SLC43A1: variants seen among roughly 807,000 people sequenced by gnomAD.
The protein encoded by SLC43A1 is solute carrier family 43 member 1, also known as large neutral amino acids transporter small subunit 3.
Under a neutral mutation model 59.5 loss-of-function variants are expected in SLC43A1, and 31 were observed. That is an observed-to-expected ratio of 0.52 (90% CI 0.39 to 0.70). SLC43A1 has a LOEUF of 0.70. SLC43A1 is among the 30% of genes least tolerant of loss of function. SLC43A1 has a pLI of 0.00. For missense variants in SLC43A1, 598 were observed against 717.8 expected, an observed-to-expected ratio of 0.83 and a Z score of 1.91; for synonymous variants, 259 against 290.9, an observed-to-expected ratio of 0.89 and a Z score of 1.12.
At chr11:57,505,126 T>G (rs534033277) in intron 2 of SLC43A1, among the ~76,000 whole-genome samples, 5 of 152,376 alleles carry the variant, frequency 3.3e-5, no homozygotes, top group African/African-American at 1.2e-4. Flanking sequence ...ATATGTGGTA[T>G]GCACAGCATG....
chr11:57,511,560 G>T (rs1344013733), intron 2 of SLC43A1, among the ~76,000 whole-genome samples: 1 of 152,098 alleles, frequency 6.6e-6, no homozygotes, highest in Non-Finnish European at 1.5e-5. Flanking sequence ...TCCTGCCTTA[G>T]CCTTGAAATA....
chr11:57,500,664 T>C, intron 5 of SLC43A1, 115 bp downstream of exon 5: 1 of 853,170 alleles, frequency 1.2e-6, no homozygotes, highest in Non-Finnish European at 1.9e-6. Flanking sequence ...CTTGATCTAG[T>C]GATCTGCGTC....
Position 57,514,177 on chromosome 11 carries a change from G to C in SLC43A1, c.-13-53C>G. 1 of 1,494,028 alleles carries C rather than the reference G, an allele frequency of 6.7e-7. No homozygotes were observed. The highest frequency in any genetic ancestry group is 8.8e-7 in the Non-Finnish European group (1 of 1,130,070). 92.5% of individuals were successfully genotyped at this position (1,494,028 alleles called of 1,614,324 possible). ...GGGCCCCCCAGTGGCCCCAGGGAAG[G>C]GTCCTGCATCATGGTGGCACCCGAG... On this transcript the variant is annotated intron_variant, in intron 1 of 14. Coordinates refer to ENST00000278426, the MANE Select transcript of SLC43A1 (RefSeq NM_003627.6). The surrounding 1 kb of genome is among the most constrained non-coding windows in gnomAD (Gnocchi z 5.5).
At chr11:57,490,266 G>T (rs1467668670) in intron 11 of SLC43A1, among the ~76,000 whole-genome samples, 2 of 150,972 alleles carry the variant, frequency 1.3e-5, no homozygotes, top group African/African-American at 4.9e-5. Flanking sequence ...CTGAGATCGT[G>T]CCACTGCACT....
rs536870780 is a variant in SLC43A1 at position 57,488,876 on chromosome 11, T to C, written c.1409+40A>G. The C allele has an allele frequency of 5.8e-6, 9 of 1,559,342 alleles. No individual in the cohort carries two copies. The Admixed American group carries it at 1.2e-4, about 20-fold the overall frequency. ...CTTCCCTGGGGTTCTCTGATCACGG[T>C]TGCAAAGCTCAGGAAGGCATTTCAG... On this transcript the variant is annotated intron_variant, in intron 13 of 14. Coordinates refer to ENST00000278426, the MANE Select transcript of SLC43A1 (RefSeq NM_003627.6).
intron 2 of SLC43A1, among the ~76,000 whole-genome samples, chr11:57,512,237 T>G (rs950455419): frequency 1.3e-5 from 2 of 152,084 alleles, no homozygotes; most frequent in African/African-American, 2.4e-5. Flanking sequence ...GATGTAATCT[T>G]CAAGAAAGTT....
Position 57,514,246 on chromosome 11 carries a change from T to A in SLC43A1, c.-13-122A>T. The A allele has an allele frequency of 8.3e-7, 1 of 1,211,350 alleles. No individual in the cohort carries two copies. Among genetic ancestry groups the A allele is most frequent in the Non-Finnish European group, 1.1e-6 (1 of 895,506 alleles). 75.0% of individuals were successfully genotyped at this position (1,211,350 alleles called of 1,614,324 possible). On this transcript the variant is annotated intron_variant, in intron 1 of 14. Transcript: ENST00000278426. This position sits in a 1 kb window ranked among gnomAD's most constrained non-coding sequence, Gnocchi z 5.5. ...CGAGGAGCCCCTCATGGAGGCCCCA[T>A]AGAGCCCTGGGCTTCCCAGCCGGTG... is the stretch of plus-strand genomic sequence containing the variant.
chr11:57,491,512 G>A, intron 10 of SLC43A1, 79 bp downstream of exon 10: 1 of 1,598,730 alleles, frequency 6.3e-7, no homozygotes, highest in African/African-American at 1.3e-5. Flanking sequence ...GTGGGCCCAG[G>A]CCTAGAGGAG....
chr11:57,507,328 G>A (rs1944415785), intron 2 of SLC43A1, among the ~76,000 whole-genome samples: 1 of 152,138 alleles, frequency 6.6e-6, no homozygotes, highest in African/African-American at 2.4e-5. Flanking sequence ...AAATTAGCCG[G>A]GCATGGTGGC....
intron 14 of SLC43A1, among the ~76,000 whole-genome samples, chr11:57,486,129 C>T (rs1943719919): frequency 6.6e-6 from 1 of 152,182 alleles, no homozygotes; most frequent in Non-Finnish European, 1.5e-5. Flanking sequence ...ACCAATGGTG[C>T]CTGAACACAG....
intron 2 of SLC43A1, among the ~76,000 whole-genome samples, chr11:57,513,322 C>T (rs1369680614): frequency 6.6e-6 from 1 of 152,234 alleles, no homozygotes; most frequent in African/African-American, 2.4e-5. Context: ...AGATACCCAT[C>T]AGAGGCAAGT....
chr11:57,508,286 A>G (rs986502648), intron 2 of SLC43A1, among the ~76,000 whole-genome samples: 1 of 151,412 alleles, frequency 6.6e-6, no homozygotes, highest in East Asian at 1.9e-4. Context: ...AAAAGAAAAG[A>G]AAAGAAAGAA....
intron 2 of SLC43A1, among the ~76,000 whole-genome samples, chr11:57,508,372 A>G (rs1218463503): frequency 6.6e-6 from 1 of 152,170 alleles, no homozygotes; most frequent in East Asian, 1.9e-4. Context: ...TCCACACACT[A>G]TGGCAACACA....
chr11:57,496,464 C>A (rs1179461013), intron 6 of SLC43A1, among the ~76,000 whole-genome samples: 1 of 152,188 alleles, frequency 6.6e-6, no homozygotes, highest in South Asian at 2.1e-4. Flanking sequence ...AAAATACATA[C>A]ATTTTTGCCT....
intron 12 of SLC43A1, 44 bp from the exon 13 acceptor site, chr11:57,489,033 G>C (rs1207861622): frequency 6.3e-7 from 1 of 1,586,752 alleles, no homozygotes; most frequent in Admixed American, 1.7e-5. Context: ...AGAGTGTGTG[G>C]AGGCTGGAGG....
chr11:57,496,494 T>C (rs559294181), intron 6 of SLC43A1, among the ~76,000 whole-genome samples: 17 of 152,348 alleles, frequency 1.1e-4, no homozygotes, highest in East Asian at 5.8e-4. Flanking sequence ...CAAACATTCA[T>C]GTTCATGTTC....
chr11:57,492,735 C>CAAAA (rs56237225), intron 8 of SLC43A1, among the ~76,000 whole-genome samples: 16 of 83,480 alleles, frequency 1.9e-4, no homozygotes, highest in Admixed American at 3.5e-4. Context: ...CTCTATTTTA[C>CAAAA]AAAAAAAAAA....
intron 5 of SLC43A1, among the ~76,000 whole-genome samples, chr11:57,500,123 T>C (rs181937631): frequency 6.6e-6 from 1 of 152,090 alleles, no homozygotes; most frequent in African/African-American, 2.4e-5. Flanking sequence ...GTTTACACAC[T>C]CACATAAATA....
chr11:57,491,710 C>G lies in SLC43A1; in HGVS notation c.1018+6G>C. On this transcript the variant is annotated splice_donor_region_variant and intron_variant, in intron 9 of 14. Coordinates refer to ENST00000278426, the MANE Select transcript of SLC43A1 (RefSeq NM_003627.6). ...CCAACCCCCAGGGGCCTCAGCGGTG[C>G]CTCACCATGCTCCTGGCCACCAGTC... 1 of 1,614,264 alleles carries G rather than the reference C, an allele frequency of 6.2e-7. No homozygotes were observed. The highest frequency in any genetic ancestry group is 8.5e-7 in the Non-Finnish European group (1 of 1,180,044).
Sources: allele counts gnomAD v4.1 joint callset (sites outside exome capture counted in the v4.1 genomes callset), GRCh38; gene constraint gnomAD v4.1.1; non-coding constraint Gnocchi (gnomAD v3.1); transcripts MANE v1.5; gene names NCBI Gene and HGNC (gene_info 2026-07-23, HGNC 2026-07-21).